Variants in TARS2 observed in about 807,000 individuals in gnomAD.
TARS2 encodes threonyl-tRNA synthetase 2, mitochondrial, also known as threonine--tRNA ligase, mitochondrial.
In TARS2, 61 loss-of-function variants were observed where a neutral mutation model predicts 94.4. The observed-to-expected ratio is 0.65, with a 90% CI of 0.53 to 0.80. TARS2 has a LOEUF of 0.80. Ranked by LOEUF, TARS2 falls within the 30% of genes least tolerant of loss-of-function variation. The pLI is 0.00. For missense variants in TARS2, 704 were observed against 902.5 expected, an observed-to-expected ratio of 0.78 and a Z score of 2.82; for synonymous variants, 359 against 353.4, an observed-to-expected ratio of 1.02 and a Z score of -0.18.
intron 4 of TARS2, 41 bp from the exon 5 acceptor site, chr1:150,491,353 C>G (rs200986971): frequency 1.2e-6 from 2 of 1,601,174 alleles, no homozygotes. Flanking sequence ...GTGATTGATG[C>G]ACCTCATAGG....
At chr1:150,505,027 T>A in intron 16 of TARS2, 49 bp downstream of exon 16, 1 of 1,594,290 alleles carries the variant, frequency 6.3e-7, no homozygotes. Flanking sequence ...CAGTAGAGAG[T>A]CTGGTGCCCT....
chr1:150,490,419 T>C (rs868165072), intron 3 of TARS2, among the ~76,000 whole-genome samples, 182 bp from the exon 4 acceptor site: 1 of 150,900 alleles, frequency 6.6e-6, no homozygotes, highest in African/African-American at 2.4e-5. Context: ...GTGCCCAGCC[T>C]TTTTTTTTAA....
At chr1:150,493,715 T>G (rs1332714053) in intron 7 of TARS2, among the ~76,000 whole-genome samples, 1 of 150,702 alleles carries the variant, frequency 6.6e-6, no homozygotes, top group Non-Finnish European at 1.5e-5. Flanking sequence ...ATCGTGCCAT[T>G]GCACTCTAGC....
chr1:150,491,678 A>G lies in TARS2; in HGVS notation c.695+16A>G, dbSNP rs1348791705. ...CAGTATATGGGTAAGAGTTGTCAAG[A>G]TTAAGGCAAACAGAGAGGTGGGGAA... On this transcript the variant is annotated intron_variant, in intron 6 of 17. Coordinates refer to ENST00000369064, the MANE Select transcript of TARS2 (RefSeq NM_025150.5). 20 of 1,613,716 alleles carry G rather than the reference A, an allele frequency of 1.2e-5. No homozygotes were observed. Among genetic ancestry groups the G allele is most frequent in the Non-Finnish European group, 1.6e-5 (19 of 1,179,806 alleles).
intron 12 of TARS2, 58 bp from the exon 13 acceptor site, chr1:150,499,158 A>G (rs751812048): frequency 1.2e-6 from 2 of 1,610,792 alleles, no homozygotes; most frequent in Non-Finnish European, 1.7e-6. Flanking sequence ...GACTGACCGG[A>G]TGTGTTGCTT....
Position 150,487,980 on chromosome 1 carries a change from A to G in TARS2, c.189A>G (p.Ile63Met). The G allele has an allele frequency of 1.2e-6, 2 of 1,614,116 alleles. No individual in the cohort carries two copies. The highest frequency in any genetic ancestry group is 1.7e-6 in the Non-Finnish European group (2 of 1,180,026). Residue 63 changes from isoleucine (I) to methionine (M), a missense_variant, in exon 2 of 18, where the codon ATA (isoleucine) becomes ATG (methionine). Coordinates refer to ENST00000369064, the MANE Select transcript of TARS2 (RefSeq NM_025150.5). ...MAQKEPRTIK[I>M]SLPGGQKIDA... ...AGAAGGAACCCCGGACTATTAAGAT[A>G]TCACTTCCTGGAGGCCAGAAAATTG...
In TARS2 at chr1:150,497,764, G is replaced by A; in HGVS notation, c.1238+17G>A. On this transcript the variant is annotated intron_variant, in intron 10 of 17. Transcript: ENST00000369064. Reference sequence around the variant, plus strand: ...TGCACACTGGTAAGCTGGGAGCTAGGGTTACAATCAGGTTGCTAAATATTA... The same window carrying A: ...TGCACACTGGTAAGCTGGGAGCTAGAGTTACAATCAGGTTGCTAAATATTA... The A allele has an allele frequency of 6.2e-7, 1 of 1,609,948 alleles. No homozygotes were observed. Among genetic ancestry groups the A allele is most frequent in the South Asian group, 1.1e-5 (1 of 90,742 alleles).
chr1:150,491,725 G>T (rs1447510796), intron 6 of TARS2, 63 bp downstream of exon 6: 18 of 1,509,258 alleles, frequency 1.2e-5, no homozygotes, highest in Non-Finnish European at 6.4e-6. Context: ...GGCCAGAAAT[G>T]CGATAAGGGA....
At chr1:150,501,302 ATTTTTTTTTTTTTTT>A (rs869271907) in intron 13 of TARS2, among the ~76,000 whole-genome samples, 1 of 32,068 alleles carries the variant, frequency 3.1e-5, no homozygotes. Flanking sequence ...ACAAAAAAAA[ATTTTTTTTTTTTTTT>A]TTTTTTTTTT....
In TARS2 at chr1:150,499,168, T is replaced by G. The variant is rs373055991; in HGVS notation, c.1540-48T>G. 82 of 1,612,128 alleles carry G rather than the reference T, an allele frequency of 5.1e-5. No individual in the cohort carries two copies. In the East Asian group the frequency reaches 1.3e-3, roughly 26 times the overall value. Reference sequence around the variant, plus strand: ...TTGGGGACTGACCGGATGTGTTGCTTTTGAAGTCTAAGATGATGTATTCCA... The same window carrying G: ...TTGGGGACTGACCGGATGTGTTGCTGTTGAAGTCTAAGATGATGTATTCCA... On this transcript the variant is annotated intron_variant, in intron 12 of 17. Transcript: ENST00000369064.
At chr1:150,493,530 G>A (rs150455612) in intron 7 of TARS2, among the ~76,000 whole-genome samples, 2,259 of 152,088 alleles carry the variant, frequency 0.015, 48 homozygotes, top group African/African-American at 0.051. Context: ...GAGGTGGGTG[G>A]ACCACCTGAG....
At chr1:150,506,352 A>G (rs1670201239) in intron 17 of TARS2, among the ~76,000 whole-genome samples, 1 of 151,958 alleles carries the variant, frequency 6.6e-6, no homozygotes, top group Non-Finnish European at 1.5e-5. Context: ...AACAGACACC[A>G]AGAGCCAGAG....
At position 150,505,103 on chromosome 1, in the gene TARS2, TGG is replaced by T. The variant is rs1384610303; in HGVS notation, c.1893+127_1893+128del. 9.2e-6 allele frequency: 8 copies of T among 871,356 alleles called. No homozygotes were observed. The African/African-American group carries it at 1.4e-4, about 15-fold the overall frequency. 54.0% of individuals were successfully genotyped at this position (871,356 alleles called of 1,614,324 possible). A position where few individuals can be genotyped will look rare whatever the true frequency, so the allele number is the denominator to read the frequency against. ...AGCACAGCCCTCACAGCCACAAGAC[TGG>T]GCTCGAGTGGCTGCTGTCCTAGATG... On this transcript the variant is annotated intron_variant, in intron 16 of 17. Transcript: ENST00000369064.
rs370154236 is a variant in TARS2 at position 150,500,371 on chromosome 1, C to T, written c.1617+1078C>T. 5.9e-5 allele frequency among the ~76,000 whole-genome samples: 9 copies of T among 152,112 alleles called. No homozygotes were observed. In the South Asian group the frequency reaches 1.9e-3, roughly 32 times the overall value. On this transcript the variant is annotated intron_variant, in intron 13 of 17. Transcript: ENST00000369064. Reference sequence around the variant, plus strand: ...TTGGGAGGCCGACGTGGGTGGATCACTTGAGGTCAGGAGTTCGAGACCAGC... The same window carrying T: ...TTGGGAGGCCGACGTGGGTGGATCATTTGAGGTCAGGAGTTCGAGACCAGC...
At position 150,506,946 on chromosome 1, in the gene TARS2, C is replaced by T; in HGVS notation, c.2039C>T (p.Thr680Ile). The stretch of plus-strand genomic sequence containing the variant: ...GGCCAGAAAGAGCAAAGTAAGAGAA[C>T]AGTGAACATTCGGACTCGAGATAAT... ...VVGQKEQSKR[T>I]VNIRTRDNRR... is the part of the protein sequence containing the mutation. The change falls in exon 18 of 18, where the codon ACA becomes ATA. Residue 680 changes from threonine (T) to isoleucine (I), a missense_variant. Coordinates refer to ENST00000369064, the MANE Select transcript of TARS2 (RefSeq NM_025150.5). The T allele has an allele frequency of 1.2e-6, 2 of 1,614,156 alleles. No individual in the cohort carries two copies. Among genetic ancestry groups the T allele is most frequent in the South Asian group, 2.2e-5 (2 of 91,080 alleles).
At chr1:150,488,240 G>A in intron 2 of TARS2, 186 bp downstream of exon 2, 3 of 648,520 alleles carry the variant, frequency 4.6e-6, no homozygotes, top group Non-Finnish European at 5.0e-6. Flanking sequence ...TCTCCATGTT[G>A]CCCAGGCTAG....
chr1:150,487,516 G>A lies in TARS2; in HGVS notation c.66G>A (p.Thr22=), dbSNP rs139414061. The change falls in exon 1 of 18, where the codon ACG becomes ACA. Residue 22 remains threonine (T), a splice_region_variant and synonymous_variant. Coordinates refer to ENST00000369064, the MANE Select transcript of TARS2 (RefSeq NM_025150.5). ...LQGLQACRLH[T]AVVSTPPRWL... ...GTTTACAGGCTTGCAGGCTACACAC[G>A]GTGCGTGAGGCACCCCCAAAGCTCC... 5.0e-5 allele frequency: 81 copies of A among 1,614,060 alleles called. 1 individual carries two copies. The highest frequency in any genetic ancestry group is 6.1e-5 in the Non-Finnish European group (72 of 1,180,052).
intron 7 of TARS2, 22 bp downstream of exon 7, chr1:150,492,511 G>T: frequency 6.2e-7 from 1 of 1,612,180 alleles, no homozygotes; most frequent in Non-Finnish European, 8.5e-7. Flanking sequence ...GACAGAGTTA[G>T]GTTAAGATTC....
In TARS2 at chr1:150,504,723, G is replaced by C. The variant is rs765061659; in HGVS notation, c.1810G>C (p.Gly604Arg). 2 of 1,614,144 alleles carry C rather than the reference G, an allele frequency of 1.2e-6. No individual in the cohort carries two copies. Among genetic ancestry groups the C allele is most frequent in the South Asian group, 1.1e-5 (1 of 91,078 alleles). Reference protein sequence around the residue: ...RLLGVLAESCGGKWPLWLSPF... With the variant: ...RLLGVLAESCRGKWPLWLSPF... Reference sequence around the variant, plus strand: ...GTTGGGAGTGCTGGCAGAAAGCTGCGGGGGGAAATGGTGAGACCTCTGACC... The same window carrying C: ...GTTGGGAGTGCTGGCAGAAAGCTGCCGGGGGAAATGGTGAGACCTCTGACC... Residue 604 changes from glycine (G) to arginine (R), a missense_variant, in exon 15 of 18, where the codon GGG (glycine) becomes CGG (arginine). Physicochemically the swap from Gly to Arg is moderately radical, Grantham distance 125. Coordinates refer to ENST00000369064, the MANE Select transcript of TARS2 (RefSeq NM_025150.5).
Sources: allele counts gnomAD v4.1 joint callset (sites outside exome capture counted in the v4.1 genomes callset), GRCh38; gene constraint gnomAD v4.1.1; transcripts MANE v1.5; gene names NCBI Gene and HGNC (gene_info 2026-07-23, HGNC 2026-07-21).